Variants in CFAP161 observed in about 807,000 individuals in gnomAD.
The protein encoded by CFAP161 is cilia and flagella associated protein 161.
CFAP161 carries 25 observed loss-of-function variants against 29.0 expected under a neutral mutation model. The observed-to-expected ratio is 0.86, with a 90% CI of 0.63 to 1.20. CFAP161 has a LOEUF of 1.20. CFAP161 is among the 50% of genes most tolerant of loss of function. The pLI is 0.00. For synonymous variants in CFAP161, 116 were observed against 137.4 expected (o/e 0.84, Z 1.09); for missense variants, 367 against 371.9 (o/e 0.99, Z 0.11).
At chr15:81,115,340 G>C (rs927378463) in intron 1 of CFAP161, among the ~76,000 whole-genome samples, 7 of 152,114 alleles carry the variant, frequency 4.6e-5, no homozygotes, top group Admixed American at 2.0e-4. Context: ...GATGTCTCTG[G>C]ATGCTGGGAT....
Position 81,136,609 on chromosome 15 carries a change from T to C in CFAP161, c.253T>C (p.Phe85Leu). 9 of 1,614,200 alleles carry C rather than the reference T, an allele frequency of 5.6e-6. No individual in the cohort carries two copies. The highest frequency in any genetic ancestry group is 7.6e-6 in the Non-Finnish European group (9 of 1,180,034). The change falls in exon 3 of 7, where the codon TTT becomes CTT. Residue 85 changes from phenylalanine to leucine, a missense_variant. By Grantham distance (22) the Phe-to-Leu change is conservative. Coordinates refer to ENST00000286732, the MANE Select transcript of CFAP161 (RefSeq NM_173528.4). ...TGATCCTGACACAGAAGCTGATGTG[T>C]TTCTGCGTGGGGACCTGAGCCTGTG... ...PDDPDTEADVFLRGDLSLCMT... is the reference protein window; with the variant it reads ...PDDPDTEADVLLRGDLSLCMT...
intron 1 of CFAP161, among the ~76,000 whole-genome samples, chr15:81,109,512 T>C (rs890434706): frequency 2.0e-5 from 3 of 152,212 alleles, no homozygotes; most frequent in Non-Finnish European, 4.4e-5. Flanking sequence ...TGCTCCAGCC[T>C]GGGCAACATA....
At chr15:81,144,720 G>A (rs1056510213) in intron 5 of CFAP161, among the ~76,000 whole-genome samples, 9 of 151,480 alleles carry the variant, frequency 5.9e-5, no homozygotes, top group African/African-American at 1.7e-4. Flanking sequence ...CTGGGAGGTC[G>A]AGGCTGCTGT....
At chr15:81,143,993 TTCTC>T (rs1312123118) in intron 5 of CFAP161, among the ~76,000 whole-genome samples, 173 bp downstream of exon 5, 1 of 152,216 alleles carries the variant, frequency 6.6e-6, no homozygotes, top group African/African-American at 2.4e-5. Context: ...CCTTATGACT[TTCTC>T]TTTCTTTTCT....
chr15:81,131,350 T>C (rs1421905944), upstream of CFAP161, among the ~76,000 whole-genome samples: 1 of 152,106 alleles, frequency 6.6e-6, no homozygotes, highest in Non-Finnish European at 1.5e-5. Flanking sequence ...AGCCCAGATG[T>C]TGGACTTAGC....
chr15:81,099,571 T>C (rs1229578648), intron 1 of CFAP161: 2 of 152,188 alleles, frequency 1.3e-5, no homozygotes, highest in Non-Finnish European at 2.9e-5. Context: ...TTTCCTTGGA[T>C]TGAGTCCAGA....
rs1895062513 is a variant in CFAP161, at chr15:81,148,964, C to T, written c.*431C>T. On this transcript the variant is annotated 3_prime_UTR_variant, in exon 7 of 7. Coordinates refer to ENST00000286732, the MANE Select transcript of CFAP161 (RefSeq NM_173528.4). The stretch of plus-strand genomic sequence containing the variant: ...CTGACAGCTCTGAGCTGTGGCCTTA[C>T]CTTGGAATTAAACATTTCCACCTTT... The T allele has an allele frequency of 6.5e-6, 1 of 152,992 alleles. No homozygotes were observed. Among genetic ancestry groups the T allele is most frequent in the Non-Finnish European group, 1.5e-5 (1 of 68,638 alleles). The allele number at this position is 152,992 out of a possible 1,614,324, so 9.5% of individuals were successfully genotyped here.
intron 1 of CFAP161, among the ~76,000 whole-genome samples, chr15:81,114,201 T>C (rs968004176): frequency 2.6e-5 from 4 of 152,314 alleles, no homozygotes; most frequent in African/African-American, 9.6e-5. Context: ...CACTGAAGCA[T>C]ATATTGCATT....
intron 1 of CFAP161, among the ~76,000 whole-genome samples, chr15:81,119,014 T>C (rs1235891519): frequency 6.6e-6 from 1 of 152,244 alleles, no homozygotes; most frequent in Non-Finnish European, 1.5e-5. Context: ...TCATGTATTT[T>C]GTTTTGTTTT....
chr15:81,142,960 T>C (rs759374644), intron 4 of CFAP161, among the ~76,000 whole-genome samples: 1 of 152,286 alleles, frequency 6.6e-6, no homozygotes, highest in South Asian at 2.1e-4. Flanking sequence ...GGATATTGAT[T>C]TGAAGAATAA....
chr15:81,101,705 C>T (rs1159545890), intron 1 of CFAP161, among the ~76,000 whole-genome samples: 2 of 151,966 alleles, frequency 1.3e-5, no homozygotes, highest in East Asian at 3.9e-4. Flanking sequence ...AAGAGCCAGC[C>T]AGTGCATCTA....
chr15:81,147,507 C>T (rs1193178177), intron 5 of CFAP161, among the ~76,000 whole-genome samples: 2 of 152,142 alleles, frequency 1.3e-5, no homozygotes, highest in African/African-American at 4.8e-5. Flanking sequence ...ATGGCATAGC[C>T]TACTACACAC....
chr15:81,146,654 G>C (rs1367565809), intron 5 of CFAP161, among the ~76,000 whole-genome samples: 1 of 151,386 alleles, frequency 6.6e-6, no homozygotes, highest in East Asian at 1.9e-4. Flanking sequence ...GATAAGTTCT[G>C]AGAAATGCAT....
intron 4 of CFAP161, among the ~76,000 whole-genome samples, chr15:81,143,085 G>A (rs1400676338): frequency 6.6e-6 from 1 of 152,168 alleles, no homozygotes; most frequent in African/African-American, 2.4e-5. Context: ...GGCTGAGGTG[G>A]GAGGATTGCT....
chr15:81,128,388 C>T (rs893454491), intron 2 of CFAP161, among the ~76,000 whole-genome samples: 1 of 152,198 alleles, frequency 6.6e-6, no homozygotes, highest in Admixed American at 6.5e-5. Flanking sequence ...CCTTTGTTGT[C>T]ATTTCAGCAG....
At chr15:81,139,573 A>T (rs1302762290) in intron 4 of CFAP161, among the ~76,000 whole-genome samples, 4 of 152,222 alleles carry the variant, frequency 2.6e-5, no homozygotes, top group Non-Finnish European at 5.9e-5. Flanking sequence ...AAATCATTTA[A>T]TGAGAGCATA....
chr15:81,130,324 A>T (rs1265929179), upstream of CFAP161, among the ~76,000 whole-genome samples: 1 of 152,210 alleles, frequency 6.6e-6, no homozygotes, highest in Non-Finnish European at 1.5e-5. Context: ...TTCACAACTT[A>T]GCTAACTGCT....
intron 4 of CFAP161, among the ~76,000 whole-genome samples, chr15:81,142,801 A>T (rs1894933640): frequency 6.6e-6 from 1 of 152,144 alleles, no homozygotes; most frequent in Non-Finnish European, 1.5e-5. Context: ...CTAGCAAAGG[A>T]CTAACATTTT....
At chr15:81,135,656 G>A (rs1894797812) in intron 2 of CFAP161, among the ~76,000 whole-genome samples, 1 of 151,938 alleles carries the variant, frequency 6.6e-6, no homozygotes, top group Non-Finnish European at 1.5e-5. Context: ...TCAGAATGAT[G>A]GTTTCCAGCT....
Sources: allele counts gnomAD v4.1 joint callset (sites outside exome capture counted in the v4.1 genomes callset), GRCh38; gene constraint gnomAD v4.1.1; transcripts MANE v1.5; gene names NCBI Gene and HGNC (gene_info 2026-07-23, HGNC 2026-07-21).